PCDHA2: variants seen among roughly 807,000 people sequenced by gnomAD.
The protein encoded by PCDHA2 is protocadherin alpha-2.
Under a neutral mutation model 66.0 loss-of-function variants are expected in PCDHA2, and 58 were observed. The observed-to-expected ratio is 0.88, with a 90% confidence interval of 0.71 to 1.09. The LOEUF (loss-of-function observed/expected upper bound fraction) is 1.09. PCDHA2 is among the 50% of genes least tolerant of loss of function. PCDHA2 has a pLI of 0.00. For missense variants in PCDHA2, 1,267 were observed against 1,242.3 expected (o/e 1.02, Z -0.30); for synonymous variants, 634 against 554.0 (o/e 1.14, Z -2.03).
At chr5:140,952,960 T>C (rs1195156838) in intron 1 of PCDHA2, among the ~76,000 whole-genome samples, 3 of 151,932 alleles carry the variant, frequency 2.0e-5, no homozygotes, top group Non-Finnish European at 4.4e-5. Flanking sequence ...GGGGAAGTGA[T>C]ACACACTTTT....
intron 1 of PCDHA2, chr5:140,842,985 T>G (rs1322607138): frequency 1.3e-6 from 2 of 1,594,870 alleles, no homozygotes; most frequent in Non-Finnish European, 1.7e-6. Flanking sequence ...CAGGTGTTCG[T>G]GCTGGACGAG....
intron 1 of PCDHA2, chr5:140,969,289 G>C: frequency 6.2e-7 from 1 of 1,614,208 alleles, no homozygotes; most frequent in Non-Finnish European, 8.5e-7. Context: ...AGAATGCTGG[G>C]AACCTGATTA....
chr5:140,876,795 G>A (rs782560755), intron 1 of PCDHA2: 97 of 1,614,108 alleles, frequency 6.0e-5, no homozygotes, highest in Non-Finnish European at 7.5e-5. Context: ...CGGCTAGAGT[G>A]TCCGTGGAGG....
At chr5:140,914,596 C>G (rs1454753124) in intron 1 of PCDHA2, among the ~76,000 whole-genome samples, 1 of 152,128 alleles carries the variant, frequency 6.6e-6, no homozygotes, top group Non-Finnish European at 1.5e-5. Context: ...TAAGTAGGAA[C>G]TTCCTCCTGC....
rs1184449073 is a variant in PCDHA2, at chr5:140,842,588, T to C, written c.2388+45236T>C. ...CCGCGAGAGAGTGTCGGCCTATGAG[T>C]TGGTGGTAACCGCGCGGGACGGGGG... is the stretch of plus-strand genomic sequence containing the variant. On this transcript the variant is annotated intron_variant, in intron 1 of 3. Coordinates refer to ENST00000526136, the MANE Select transcript of PCDHA2 (RefSeq NM_018905.3). The C allele has an allele frequency of 1.2e-5, 19 of 1,595,896 alleles. 2 individuals carry two copies. Among genetic ancestry groups the C allele is most frequent in the Non-Finnish European group, 1.5e-5 (18 of 1,165,700 alleles).
Position 140,877,146 on chromosome 5 carries a change from G to A in PCDHA2, c.2388+79794G>A, listed in dbSNP as rs781819140. The A allele has an allele frequency of 1.9e-6, 3 of 1,613,818 alleles. No individual in the cohort carries two copies. In the East Asian group the frequency reaches 6.7e-5, roughly 36 times the overall value. On this transcript the variant is annotated intron_variant, in intron 1 of 3. Coordinates refer to ENST00000526136, the MANE Select transcript of PCDHA2 (RefSeq NM_018905.3). ...CGCTGCAGGTGTTCGTGCTGGACGA[G>A]AACGACAACGCGCCGGCACTGCTGG...
chr5:140,891,688 T>G (rs2063203967), intron 1 of PCDHA2, among the ~76,000 whole-genome samples: 1 of 152,224 alleles, frequency 6.6e-6, no homozygotes, highest in Non-Finnish European at 1.5e-5. Flanking sequence ...TCTCTCTTCT[T>G]GCTGTTGTCT....
rs1417392698 is a variant in PCDHA2 at position 140,999,864 on chromosome 5, T to G, written c.2537-9763T>G. Among the ~76,000 whole-genome samples, 46 of 152,148 alleles carry G rather than the reference T, an allele frequency of 3.0e-4. 1 individual carries two copies. ...TGTATTTATCTCTTCCGCTCCAAGATTACTGAAAATTAGCCCAGCTGTAGC... is the reference window on the plus strand; with the variant it reads ...TGTATTTATCTCTTCCGCTCCAAGAGTACTGAAAATTAGCCCAGCTGTAGC... On this transcript the variant is annotated intron_variant, in intron 3 of 3. Coordinates refer to ENST00000526136, the MANE Select transcript of PCDHA2 (RefSeq NM_018905.3).
At chr5:140,829,950 T>A in intron 1 of PCDHA2, 1 of 1,613,960 alleles carries the variant, frequency 6.2e-7, no homozygotes, top group Non-Finnish European at 8.5e-7. Context: ...AGCGCTCGCT[T>A]CCCGTTTCGC....
chr5:140,849,846 A>T, intron 1 of PCDHA2: 5 of 1,598,504 alleles, frequency 3.1e-6, no homozygotes, highest in Non-Finnish European at 4.3e-6. Flanking sequence ...CGTGAACGAC[A>T]ACGCACCAGC....
At chr5:140,827,971 A>G in intron 1 of PCDHA2, 7 of 1,390,040 alleles carry the variant, frequency 5.0e-6, no homozygotes, top group Middle Eastern at 1.9e-4. Context: ...TTACTGCATC[A>G]TTCCCTGACT....
At chr5:140,934,258 A>G (rs2089731137) in intron 1 of PCDHA2, among the ~76,000 whole-genome samples, 1 of 152,140 alleles carries the variant, frequency 6.6e-6, no homozygotes, top group Non-Finnish European at 1.5e-5. Flanking sequence ...ATCAAAATTA[A>G]TAATAATCAG....
intron 1 of PCDHA2, among the ~76,000 whole-genome samples, chr5:140,912,042 A>G (rs782622902): frequency 6.6e-6 from 1 of 152,216 alleles, no homozygotes; most frequent in African/African-American, 2.4e-5. Flanking sequence ...CCAAGTCCCA[A>G]AGCTGAAGAA....
intron 1 of PCDHA2, chr5:140,863,519 A>G (rs1309854310): frequency 7.5e-6 from 3 of 400,164 alleles, no homozygotes; most frequent in Non-Finnish European, 1.5e-5. Context: ...GTGTTCTCCC[A>G]TGGTTCAGAT....
intron 1 of PCDHA2, among the ~76,000 whole-genome samples, chr5:140,935,364 G>A (rs1480423579): frequency 2.0e-5 from 3 of 152,008 alleles, no homozygotes; most frequent in African/African-American, 4.8e-5. Flanking sequence ...TTTCATTAAC[G>A]TCAACAGAAT....
chr5:140,942,901 A>T (rs1361297196), intron 1 of PCDHA2, among the ~76,000 whole-genome samples: 1 of 152,094 alleles, frequency 6.6e-6, no homozygotes, highest in East Asian at 1.9e-4. Context: ...TATCTCTAAG[A>T]ATAAGCGTGA....
intron 1 of PCDHA2, among the ~76,000 whole-genome samples, chr5:140,975,986 G>C (rs1554237183): frequency 6.6e-6 from 1 of 152,112 alleles, no homozygotes; most frequent in East Asian, 1.9e-4. Context: ...ATAGTCCTGG[G>C]AGGTACCATC....
At chr5:140,991,569 A>G (rs1157834136) in intron 3 of PCDHA2, among the ~76,000 whole-genome samples, 4 of 152,188 alleles carry the variant, frequency 2.6e-5, no homozygotes, top group Admixed American at 6.5e-5. Flanking sequence ...GTTTCCAATA[A>G]CAGGCTCCTT....
intron 1 of PCDHA2, chr5:140,848,138 T>A: frequency 5.1e-6 from 1 of 197,510 alleles, no homozygotes; most frequent in East Asian, 1.1e-4. Context: ...TACAAAACTT[T>A]TAGAGGCAGT....
Sources: allele counts gnomAD v4.1 joint callset (sites outside exome capture counted in the v4.1 genomes callset), GRCh38; gene constraint gnomAD v4.1.1; transcripts MANE v1.5; gene names NCBI Gene and HGNC (gene_info 2026-07-23, HGNC 2026-07-21).